Variants in LAMTOR4 observed in about 807,000 individuals in gnomAD.
LAMTOR4 encodes the protein ragulator complex protein LAMTOR4.
Under a neutral mutation model 13.5 loss-of-function variants are expected in LAMTOR4, and 11 were observed. The ratio of observed to expected loss-of-function variants is 0.82; its 90% CI spans 0.51 to 1.35. The LOEUF is 1.35. LAMTOR4 is among the 40% of genes most tolerant of loss of function. The pLI is 0.00. For missense variants in LAMTOR4, 128 were observed against 126.2 expected (o/e 1.01, Z -0.07); for synonymous variants, 69 against 52.3 (o/e 1.32, Z -1.38).
intron 2 of LAMTOR4, 193 bp downstream of exon 2, chr7:100,149,772 A>G (rs113552190): frequency 3.7e-5 from 18 of 484,398 alleles, no homozygotes; most frequent in African/African-American, 2.3e-4. Context: ...AACGGCTGCG[A>G]TTTATTTATT....
intron 2 of LAMTOR4, among the ~76,000 whole-genome samples, chr7:100,150,638 T>A (rs1331719733): frequency 1.3e-5 from 2 of 152,110 alleles, no homozygotes; most frequent in Non-Finnish European, 2.9e-5. Flanking sequence ...AGTGAGGTGG[T>A]TGAGCAATAT....
intron 2 of LAMTOR4, among the ~76,000 whole-genome samples, chr7:100,150,490 G>T (rs1288174372): frequency 2.6e-5 from 4 of 152,198 alleles, no homozygotes; most frequent in Non-Finnish European, 5.9e-5. Flanking sequence ...AAAGATTTGG[G>T]AAGGTTTGAG....
Position 100,153,887 on chromosome 7 carries a change from C to T in LAMTOR4, c.223C>T (p.Leu75=). 6.3e-7 allele frequency: 1 copy of T among 1,585,468 alleles called. No homozygotes were observed. The highest frequency in any genetic ancestry group is 8.6e-7 in the Non-Finnish European group (1 of 1,165,916). ...RLSVVFGEHT[L]LVTVSGQRVF... is the part of the protein sequence containing the mutation. ...TCCAGTGGTCTTTGGAGAACACACACTGCTGGTGACGGTGTCAGGACAGAG... is the reference window on the plus strand; with the variant it reads ...TCCAGTGGTCTTTGGAGAACACACATTGCTGGTGACGGTGTCAGGACAGAG... Residue 75 remains leucine (L), a synonymous_variant, in exon 4 of 4, where the codon CTG becomes TTG. Coordinates refer to ENST00000341942, the MANE Select transcript of LAMTOR4 (RefSeq NM_001008395.4).
intron 2 of LAMTOR4, 27 bp downstream of exon 2, chr7:100,149,606 C>T (rs1427119918): frequency 6.4e-7 from 1 of 1,563,260 alleles, no homozygotes; most frequent in Non-Finnish European, 8.8e-7. Context: ...GGAGGGGGTC[C>T]CTTAGTGCAC....
At chr7:100,153,640 C>A (rs1210314473) in intron 3 of LAMTOR4, 123 bp downstream of exon 3, 15 of 921,174 alleles carry the variant, frequency 1.6e-5, no homozygotes, top group Non-Finnish European at 2.5e-5. Context: ...GGCCACTTTC[C>A]TCCCTTTGGG....
Position 100,153,521 on chromosome 7 carries a change from A to AGCCCCT in LAMTOR4, c.202+15_202+20dup, listed in dbSNP as rs767646400. 16 of 1,604,892 alleles carry AGCCCCT rather than the reference A, an allele frequency of 1.0e-5. No individual in the cohort carries two copies. The highest frequency in any genetic ancestry group is 1.4e-5 in the Non-Finnish European group (16 of 1,179,316). ...GTGCCCTTCAAGCGCCTGTCTGGTGAGCCCCTGCCCCTGCCCTTGGTGGTG... is the reference window on the plus strand; with the variant it reads ...GTGCCCTTCAAGCGCCTGTCTGGTGAGCCCCTGCCCCTGCCCCTGCCCTTGGTGGTG... On this transcript the variant is annotated splice_donor_region_variant and intron_variant, in intron 3 of 3. Transcript: ENST00000341942.
intron 2 of LAMTOR4, 37 bp downstream of exon 2, chr7:100,149,616 C>T (rs1468011129): frequency 2.0e-6 from 3 of 1,492,076 alleles, no homozygotes; most frequent in Admixed American, 3.3e-5. Context: ...CCTTAGTGCA[C>T]ACAGCCCGGT....
chr7:100,153,222 T>G (rs1798761847), intron 2 of LAMTOR4, among the ~76,000 whole-genome samples, 178 bp from the exon 3 acceptor site: 1 of 151,730 alleles, frequency 6.6e-6, no homozygotes, highest in African/African-American at 2.4e-5. Context: ...CAGGATGGCA[T>G]CCGGAGGGTG....
At chr7:100,151,228 C>A (rs1798688805) in intron 2 of LAMTOR4, among the ~76,000 whole-genome samples, 1 of 151,600 alleles carries the variant, frequency 6.6e-6, no homozygotes. Flanking sequence ...GTGTGCACCA[C>A]CATGCCCAGC....
chr7:100,151,384 T>C (rs1264649974), intron 2 of LAMTOR4, among the ~76,000 whole-genome samples: 1 of 150,262 alleles, frequency 6.7e-6, no homozygotes, highest in Non-Finnish European at 1.5e-5. Flanking sequence ...GCCTGTTTTT[T>C]TGTTTTTGTT....
intron 1 of LAMTOR4, 157 bp from the exon 2 acceptor site, chr7:100,149,341 AG>A: frequency 1.5e-6 from 1 of 665,006 alleles, no homozygotes; most frequent in Non-Finnish European, 2.7e-6. Flanking sequence ...ATCAGTATTG[AG>A]GACCATGTAG....
At chr7:100,153,799 T>C in intron 3 of LAMTOR4, 68 bp from the exon 4 acceptor site, 1 of 1,122,552 alleles carries the variant, frequency 8.9e-7, no homozygotes, top group Non-Finnish European at 1.3e-6. Context: ...CCATGGAGTC[T>C]GTTGCACCCA....
chr7:100,149,991 G>C (rs185024662), intron 2 of LAMTOR4: 2 of 163,568 alleles, frequency 1.2e-5, no homozygotes, highest in African/African-American at 2.4e-5. Context: ...TAGCCAGGCT[G>C]GTCTCAAACT....
rs768266746 is a variant in LAMTOR4, at chr7:100,149,595, G to T, written c.84+16G>T. On this transcript the variant is annotated intron_variant, in intron 2 of 3. Transcript: ENST00000341942. ...AGTGCTGGCGGTGCGTTCTGGGAAA[G>T]GGAGGGGGTCCCTTAGTGCACACAG... The T allele has an allele frequency of 1.7e-5, 28 of 1,608,322 alleles. No individual in the cohort carries two copies. The South Asian group carries it at 2.9e-4, about 16-fold the overall frequency.
intron 3 of LAMTOR4, 23 bp downstream of exon 3, chr7:100,153,540 G>T: frequency 6.3e-7 from 1 of 1,590,772 alleles, no homozygotes. Flanking sequence ...CCCTGCCCTT[G>T]GTGGTGGTAC....
chr7:100,151,398 GT>G (rs1212085069), intron 2 of LAMTOR4, among the ~76,000 whole-genome samples: 1 of 135,200 alleles, frequency 7.4e-6, no homozygotes, highest in Non-Finnish European at 1.6e-5. Flanking sequence ...TTTTGTTTTT[GT>G]TTTTTTTGAG....
At chr7:100,151,290 G>T (rs1459832712) in intron 2 of LAMTOR4, among the ~76,000 whole-genome samples, 1 of 151,934 alleles carries the variant, frequency 6.6e-6, no homozygotes, top group African/African-American at 2.4e-5. Flanking sequence ...GGCCGGGCTG[G>T]TCTCGAACTC....
intron 2 of LAMTOR4, among the ~76,000 whole-genome samples, chr7:100,151,145 G>C (rs535145553): frequency 6.7e-6 from 1 of 149,262 alleles, no homozygotes; most frequent in East Asian, 2.1e-4. Context: ...CATGATCTCA[G>C]CTCACTGCAA....
At chr7:100,153,675 T>G in intron 3 of LAMTOR4, 158 bp downstream of exon 3, 1 of 770,782 alleles carries the variant, frequency 1.3e-6, no homozygotes, top group East Asian at 2.6e-5. Context: ...GAATTGTGAA[T>G]GAGAAGGCAA....
Sources: allele counts gnomAD v4.1 joint callset (sites outside exome capture counted in the v4.1 genomes callset), GRCh38; gene constraint gnomAD v4.1.1; transcripts MANE v1.5; gene names NCBI Gene and HGNC (gene_info 2026-07-23, HGNC 2026-07-21).